ZNF680: variants seen among roughly 807,000 people sequenced by gnomAD.
The protein encoded by ZNF680 is zinc finger protein 680, also known as hypothetical protein FLJ90430.
In ZNF680, 6 loss-of-function variants were observed where a neutral mutation model predicts 12.1. The observed-to-expected ratio is 0.49, with a 90% CI of 0.27 to 0.98. ZNF680 has a LOEUF of 0.98. ZNF680 is among the 50% of genes least tolerant of loss of function. The pLI, the probability that ZNF680 is intolerant of heterozygous loss-of-function variation, is 0.12. For missense variants in ZNF680, 561 were observed against 616.3 expected, an observed-to-expected ratio of 0.91 and a Z score of 0.95; for synonymous variants, 170 against 199.3, an observed-to-expected ratio of 0.85 and a Z score of 1.24.
chr7:64,560,582 C>G (rs368212215), intron 1 of ZNF680, among the ~76,000 whole-genome samples: 5 of 152,080 alleles, frequency 3.3e-5, no homozygotes, highest in African/African-American at 1.2e-4. Context: ...GAGGCCAAGG[C>G]GGGTGGATCA....
rs547068294 is a variant in ZNF680 at position 64,537,787 on chromosome 7, G to A, written c.253+5920C>T. ...CTAAAAATACAAAAAACAATTAGCC[G>A]GGCGTGGTGGCGGGCGCCTGTAGTC... is the stretch of plus-strand genomic sequence containing the variant. On this transcript the variant is annotated intron_variant, in intron 3 of 3. Transcript: ENST00000309683. 5.3e-3 allele frequency among the ~76,000 whole-genome samples: 802 copies of A among 152,122 alleles called. 4 individuals are homozygous for A. Among genetic ancestry groups the A allele is most frequent in the Non-Finnish European group, 8.2e-3 (555 of 67,994 alleles).
chr7:64,539,351 C>CAAAAA (rs1170166478), intron 3 of ZNF680, among the ~76,000 whole-genome samples: 636 of 47,932 alleles, frequency 0.013, 4 homozygotes, highest in Non-Finnish European at 0.016. Flanking sequence ...AACTTCGTCT[C>CAAAAA]AAAAAAAAAA....
chr7:64,535,201 C>T (rs1467650414), intron 3 of ZNF680, among the ~76,000 whole-genome samples: 1 of 151,978 alleles, frequency 6.6e-6, no homozygotes, highest in South Asian at 2.1e-4. Flanking sequence ...TTGTCTCTAT[C>T]AAAAATACAA....
At chr7:64,557,425 C>T (rs1350823352) in intron 1 of ZNF680, among the ~76,000 whole-genome samples, 6 of 148,630 alleles carry the variant, frequency 4.0e-5, no homozygotes, top group Non-Finnish European at 5.9e-5. Flanking sequence ...TGTGTTGGCA[C>T]GCACCTGTAA....
chr7:64,527,603 G>A (rs570115263), intron 3 of ZNF680, among the ~76,000 whole-genome samples: 6 of 152,080 alleles, frequency 3.9e-5, no homozygotes, highest in East Asian at 2.0e-4. Flanking sequence ...GCTGAGGCAG[G>A]AGAATCACTT....
intron 3 of ZNF680, among the ~76,000 whole-genome samples, chr7:64,536,113 A>G (rs1786151228): frequency 6.6e-6 from 1 of 152,202 alleles, no homozygotes. Flanking sequence ...AAATATATAA[A>G]GCAAATATTG....
chr7:64,534,386 A>C (rs563740014), intron 3 of ZNF680, among the ~76,000 whole-genome samples: 9 of 152,356 alleles, frequency 5.9e-5, no homozygotes, highest in African/African-American at 1.7e-4. Flanking sequence ...GAAGATATAC[A>C]AATGGCCAAC....
chr7:64,523,998 A>C (rs1019078431), intron 3 of ZNF680, among the ~76,000 whole-genome samples: 2 of 152,228 alleles, frequency 1.3e-5, no homozygotes, highest in African/African-American at 4.8e-5. Flanking sequence ...ACAGACTGAA[A>C]GTAGCAAGAC....
chr7:64,548,501 A>ATAAAATGGAAGCAATTAGTTTATC (rs1786895810), intron 1 of ZNF680, among the ~76,000 whole-genome samples: 1 of 152,216 alleles, frequency 6.6e-6, no homozygotes, highest in South Asian at 2.1e-4. Flanking sequence ...TAATGGCCAC[A>ATAAAATGGAAGCAATTAGTTTATC]TAAAATGGAA....
At chr7:64,527,930 T>C (rs1280195280) in intron 3 of ZNF680, among the ~76,000 whole-genome samples, 2 of 152,196 alleles carry the variant, frequency 1.3e-5, no homozygotes, top group African/African-American at 4.8e-5. Context: ...ATCCTCTGAA[T>C]GAAGCAGACT....
the ZNF680 span, among the ~76,000 whole-genome samples, chr7:64,500,486 GCAA>G: frequency 6.6e-6 from 1 of 152,158 alleles, no homozygotes; most frequent in Admixed American, 6.5e-5. Flanking sequence ...CTTGTTATTT[GCAA>G]CAACATTGAT....
chr7:64,548,691 T>A (rs906302381), intron 1 of ZNF680, among the ~76,000 whole-genome samples: 2 of 152,122 alleles, frequency 1.3e-5, no homozygotes, highest in Non-Finnish European at 2.9e-5. Flanking sequence ...ACCACTCTTG[T>A]CAGCCTGACA....
At position 64,521,141 on chromosome 7, in the gene ZNF680, C is replaced by CT; in HGVS notation, c.*19dup. 6.3e-7 allele frequency: 1 copy of CT among 1,583,754 alleles called. No individual in the cohort carries two copies. The highest frequency in any genetic ancestry group is 8.6e-7 in the Non-Finnish European group (1 of 1,166,666). On this transcript the variant is annotated 3_prime_UTR_variant, in exon 4 of 4. Transcript: ENST00000309683. ...TTAGGGTTTCTCAACAGGATGGTGT[C>CT]TTTTATGTTTAGAAAAGTTTTAGGT... is the stretch of plus-strand genomic sequence containing the variant.
At chr7:64,552,666 C>T (rs985997074) in intron 1 of ZNF680, among the ~76,000 whole-genome samples, 4 of 152,016 alleles carry the variant, frequency 2.6e-5, no homozygotes, top group African/African-American at 9.7e-5. Flanking sequence ...TTAATGTACT[C>T]GTCATAATGT....
chr7:64,548,589 C>G (rs1254428115), intron 1 of ZNF680, among the ~76,000 whole-genome samples: 2 of 152,160 alleles, frequency 1.3e-5, no homozygotes, highest in Non-Finnish European at 2.9e-5. Flanking sequence ...AAGAAACTCT[C>G]ATCTGGGTAC....
chr7:64,528,581 A>G (rs962545541), intron 3 of ZNF680, among the ~76,000 whole-genome samples: 1 of 152,110 alleles, frequency 6.6e-6, no homozygotes, highest in African/African-American at 2.4e-5. Flanking sequence ...AACCTGCATG[A>G]CTTGGCAGAA....
intron 1 of ZNF680, among the ~76,000 whole-genome samples, chr7:64,547,777 G>C (rs541632454): frequency 6.6e-6 from 1 of 152,106 alleles, no homozygotes; most frequent in Non-Finnish European, 1.5e-5. Flanking sequence ...TGCAGTAATA[G>C]AAAACAAGTT....
chr7:64,553,966 C>T (rs1161948826), intron 1 of ZNF680, among the ~76,000 whole-genome samples: 1 of 152,144 alleles, frequency 6.6e-6, no homozygotes, highest in Non-Finnish European at 1.5e-5. Context: ...CTGCCTTGGC[C>T]TCCCAAAGTG....
chr7:64,506,381 G>A, the ZNF680 span, among the ~76,000 whole-genome samples: 9 of 151,904 alleles, frequency 5.9e-5, no homozygotes, highest in African/African-American at 2.2e-4. Context: ...GTAGAGACGG[G>A]GTTTCACCGT....
Sources: gnomAD v4.1 joint callset for allele counts (sites outside exome capture counted in the v4.1 genomes callset) on GRCh38, gnomAD v4.1.1 for gene constraint, MANE v1.5 for transcripts, NCBI Gene and HGNC (gene_info 2026-07-23, HGNC 2026-07-21) for gene names.